Variants in ZUP1 observed in about 807,000 individuals in gnomAD.
The protein encoded by ZUP1 is zinc finger containing ubiquitin peptidase 1.
Under a neutral mutation model 68.1 loss-of-function variants are expected in ZUP1, and 55 were observed. The observed-to-expected ratio is 0.81, with a 90% CI of 0.65 to 1.01. ZUP1 has a LOEUF of 1.01. Ranked by LOEUF, ZUP1 falls within the 50% of genes least tolerant of loss-of-function variation. The pLI, the probability that ZUP1 is intolerant of heterozygous loss-of-function variation, is 0.00. For synonymous variants in ZUP1, 223 were observed against 221.5 expected, an observed-to-expected ratio of 1.01 and a Z score of -0.06; for missense variants, 684 against 674.9, an observed-to-expected ratio of 1.01 and a Z score of -0.15.
At chr6:116,646,449 G>A (rs1053795579) in intron 8 of ZUP1, among the ~76,000 whole-genome samples, 1 of 152,152 alleles carries the variant, frequency 6.6e-6, no homozygotes, top group East Asian at 1.9e-4. Context: ...CTCCAAGCAC[G>A]AAGGTATATA....
chr6:116,643,751 G>T (rs184567516), intron 9 of ZUP1, among the ~76,000 whole-genome samples: 12 of 152,124 alleles, frequency 7.9e-5, no homozygotes, highest in African/African-American at 2.4e-4. Context: ...GAAAACCTAG[G>T]CATTACCATT....
chr6:116,638,672 T>C (rs1775978037), intron 9 of ZUP1, among the ~76,000 whole-genome samples: 1 of 152,190 alleles, frequency 6.6e-6, no homozygotes. Flanking sequence ...AAAAATTAAA[T>C]ATTATAAAAT....
At chr6:116,645,600 AAGAAAAAGAATAG>A in intron 9 of ZUP1, 101 bp downstream of exon 9, 1 of 812,844 alleles carries the variant, frequency 1.2e-6, no homozygotes, top group Non-Finnish European at 1.8e-6. Flanking sequence ...AAAAAAAAAA[AAGAAAAAGAATAG>A]AAAAAAAAGA....
At chr6:116,643,849 A>G (rs1338900282) in intron 9 of ZUP1, among the ~76,000 whole-genome samples, 1 of 152,244 alleles carries the variant, frequency 6.6e-6, no homozygotes, top group Non-Finnish European at 1.5e-5. Context: ...GGATCTAATT[A>G]AACTACAGAG....
At chr6:116,641,535 T>G (rs1327075148) in intron 9 of ZUP1, among the ~76,000 whole-genome samples, 3 of 151,770 alleles carry the variant, frequency 2.0e-5, no homozygotes, top group Non-Finnish European at 1.5e-5. Flanking sequence ...ATTAAGAAAC[T>G]CACTCAAAAC....
At chr6:116,651,829 T>C in intron 6 of ZUP1, 92 bp from the exon 7 acceptor site, 1 of 1,483,532 alleles carries the variant, frequency 6.7e-7, no homozygotes, top group South Asian at 1.3e-5. Context: ...AACTTTACGG[T>C]TTTTAAGACA....
intron 1 of ZUP1, 91 bp from the exon 2 acceptor site, chr6:116,667,298 T>C (rs1777043191): frequency 2.6e-6 from 2 of 779,812 alleles, no homozygotes; most frequent in South Asian, 3.7e-5. Flanking sequence ...TCTTTAACGC[T>C]GGATTATTTT....
intron 2 of ZUP1, among the ~76,000 whole-genome samples, chr6:116,662,785 G>A (rs763915036): frequency 5.3e-5 from 8 of 152,098 alleles, no homozygotes; most frequent in Non-Finnish European, 1.0e-4. Flanking sequence ...AAGTAGAAGA[G>A]GCATCCCCTT....
chr6:116,637,028 TAAAA>T (rs138150894), intron 9 of ZUP1, among the ~76,000 whole-genome samples: 1 of 152,018 alleles, frequency 6.6e-6, no homozygotes, highest in Non-Finnish European at 1.5e-5. Context: ...AAACAGATGC[TAAAA>T]AAAGTTATAT....
chr6:116,639,953 G>T (rs1469365520), intron 9 of ZUP1, among the ~76,000 whole-genome samples: 1 of 152,144 alleles, frequency 6.6e-6, no homozygotes, highest in Non-Finnish European at 1.5e-5. Flanking sequence ...AAATTTAGAC[G>T]AATGTATAAC....
chr6:116,650,913 TAC>T (rs370152468), intron 7 of ZUP1, among the ~76,000 whole-genome samples: 425 of 149,586 alleles, frequency 2.8e-3, no homozygotes, highest in Non-Finnish European at 3.4e-3. Context: ...AAAATGAGAC[TAC>T]ACACACACAC....
Position 116,645,782 on chromosome 6 carries a change from C to T in ZUP1, c.1621G>A (p.Gly541Arg). The change falls in exon 9 of 10, where the codon GGA (glycine) becomes AGA (arginine). Residue 541 changes from glycine (G) to arginine (R), a missense_variant. Transcript: ENST00000368576. The part of the protein sequence containing the change: ...SSLKQLRKSM[G>R]NLKHKQYQIL... Reference sequence around the variant, plus strand: ...TGGTATTGCTTATGTTTTAAATTTCCCATAGATTTCCGAAGTTGCTTGAGA... The same window carrying T: ...TGGTATTGCTTATGTTTTAAATTTCTCATAGATTTCCGAAGTTGCTTGAGA... The T allele has an allele frequency of 6.2e-7, 1 of 1,613,736 alleles. No individual in the cohort carries two copies. Among genetic ancestry groups the T allele is most frequent in the African/African-American group, 1.3e-5 (1 of 74,972 alleles).
intron 2 of ZUP1, 55 bp from the exon 3 acceptor site, chr6:116,660,901 T>C: frequency 9.0e-7 from 1 of 1,112,374 alleles, no homozygotes; most frequent in Non-Finnish European, 1.3e-6. Flanking sequence ...ATTTTTTTCT[T>C]TGCTTTTTTT....
chr6:116,656,737 T>C lies in ZUP1; in HGVS notation c.908A>G (p.Asp303Gly). The C allele has an allele frequency of 1.2e-6, 2 of 1,612,528 alleles. No individual in the cohort carries two copies. Among genetic ancestry groups the C allele is most frequent in the South Asian group, 1.1e-5 (1 of 90,704 alleles). The change falls in exon 5 of 10, where the codon GAT becomes GGT. Residue 303 changes from aspartate to glycine, a missense_variant. By Grantham distance (94) the Asp-to-Gly change is moderately conservative (BLOSUM62 -1). Coordinates refer to ENST00000368576, the MANE Select transcript of ZUP1 (RefSeq NM_145062.3). ...ACCAAGAGCTAATGATTCCATCATA[T>C]CAGCTTTTCTCCTATGAAATTCAGA... ...PPSEFHRRKA[D>G]MMESLALGFD...
chr6:116,636,368 A>G (rs1775910321), intron 9 of ZUP1, among the ~76,000 whole-genome samples: 1 of 152,218 alleles, frequency 6.6e-6, no homozygotes, highest in South Asian at 2.1e-4. Flanking sequence ...CAAGCTGAGA[A>G]TACAAGGATG....
At chr6:116,659,051 T>G (rs753199266) in intron 3 of ZUP1, 127 bp from the exon 4 acceptor site, 7 of 818,418 alleles carry the variant, frequency 8.6e-6, no homozygotes, top group Non-Finnish European at 1.2e-5. Context: ...TGTGATGATA[T>G]GGAACTGAGT....
intron 9 of ZUP1, among the ~76,000 whole-genome samples, chr6:116,642,240 C>A (rs901978197): frequency 6.6e-6 from 1 of 152,064 alleles, no homozygotes; most frequent in African/African-American, 2.4e-5. Flanking sequence ...GATTCACAGC[C>A]GAATTCTACC....
chr6:116,659,048 A>T, intron 3 of ZUP1, 124 bp from the exon 4 acceptor site: 1 of 857,282 alleles, frequency 1.2e-6, no homozygotes. Flanking sequence ...GACTGTGATG[A>T]TATGGAACTG....
rs573158389 is a variant in ZUP1 at position 116,651,433 on chromosome 6, GGCT to G, written c.1316+136_1316+138del. ...AGAGAAGAGCACAAGATAGTGAATAGGCTGCTGATTTTCATTGCTACTTAATTT... is the reference window on the plus strand; with the variant it reads ...AGAGAAGAGCACAAGATAGTGAATAGGCTGATTTTCATTGCTACTTAATTT... On this transcript the variant is annotated intron_variant, in intron 7 of 9. Transcript: ENST00000368576. 620 of 643,198 alleles carry G rather than the reference GGCT, an allele frequency of 9.6e-4. 1 individual carries two copies. In the African/African-American group the frequency reaches 0.01, roughly 11 times the overall value. The allele number at this position is 643,198 out of a possible 1,614,324, so 39.8% of individuals were successfully genotyped here. A position where few individuals can be genotyped will look rare whatever the true frequency, so the allele number is the denominator to read the frequency against.
Sources: allele counts gnomAD v4.1 joint callset (sites outside exome capture counted in the v4.1 genomes callset), GRCh38; gene constraint gnomAD v4.1.1; transcripts MANE v1.5; gene names NCBI Gene and HGNC (gene_info 2026-07-23, HGNC 2026-07-21).